PMS1: variants seen among roughly 807,000 people sequenced by gnomAD.
The protein encoded by PMS1 is PMS1 protein homolog 1.
In PMS1, 79 loss-of-function variants were observed where a neutral mutation model predicts 93.1. The observed-to-expected ratio is 0.85, with a 90% CI of 0.71 to 1.02. The LOEUF (loss-of-function observed/expected upper bound fraction) is 1.02. Among genes scored for constraint, PMS1 ranks in the 50% least tolerant of loss-of-function variants. PMS1 has a pLI of 0.00. For synonymous variants in PMS1, 335 were observed against 363.4 expected, an observed-to-expected ratio of 0.92 and a Z score of 0.89; for missense variants, 1,064 against 1,085.3, an observed-to-expected ratio of 0.98 and a Z score of 0.28.
chr2:189,836,881 G>T (rs542903072), intron 5 of PMS1, among the ~76,000 whole-genome samples: 3 of 152,044 alleles, frequency 2.0e-5, no homozygotes, highest in Non-Finnish European at 4.4e-5. Flanking sequence ...ATCTTTTTAC[G>T]GTTGTGTATA....
chr2:189,793,975 C>G (rs1372793901), intron 2 of PMS1, among the ~76,000 whole-genome samples: 1 of 152,130 alleles, frequency 6.6e-6, no homozygotes, highest in Non-Finnish European at 1.5e-5. Flanking sequence ...AGGCTGGTCT[C>G]GAACTGCTGA....
At chr2:189,808,651 G>C (rs2050558439) in intron 4 of PMS1, among the ~76,000 whole-genome samples, 1 of 152,078 alleles carries the variant, frequency 6.6e-6, no homozygotes, top group Admixed American at 6.6e-5. Context: ...ATTTTACAAT[G>C]TTTAAAAATA....
In PMS1 at chr2:189,877,572, T is replaced by C; in HGVS notation, c.*136T>C. On this transcript the variant is annotated 3_prime_UTR_variant, in exon 13 of 13. Coordinates refer to ENST00000441310, the MANE Select transcript of PMS1 (RefSeq NM_000534.5). ...ATGAGGATTCACTGACTTGTTTTTA[T>C]ATTGAAAAAAGTTCCACGTATTGTA... 1.5e-6 allele frequency: 1 copy of C among 645,858 alleles called. No homozygotes were observed. Among genetic ancestry groups the C allele is most frequent in the Non-Finnish European group, 2.7e-6 (1 of 374,574 alleles). 40.0% of individuals were successfully genotyped at this position (645,858 alleles called of 1,614,324 possible).
At chr2:189,822,042 G>A (rs930057983) in intron 5 of PMS1, among the ~76,000 whole-genome samples, 3 of 152,156 alleles carry the variant, frequency 2.0e-5, no homozygotes, top group African/African-American at 7.2e-5. Flanking sequence ...TCCGGGCGGG[G>A]CGGGTGGCGC....
chr2:189,859,728 A>G (rs748556321), intron 9 of PMS1, among the ~76,000 whole-genome samples: 1 of 152,048 alleles, frequency 6.6e-6, no homozygotes, highest in Admixed American at 6.5e-5. Flanking sequence ...TCGAACATCC[A>G]TTATCTTCTA....
chr2:189,806,272 A>T (rs554780261), intron 4 of PMS1: 101 of 243,880 alleles, frequency 4.1e-4, no homozygotes, highest in Non-Finnish European at 6.3e-4. Context: ...ACCCTCGCCC[A>T]TTTCTTCCCT....
chr2:189,819,739 T>C (rs2051661012), intron 5 of PMS1, among the ~76,000 whole-genome samples: 1 of 152,194 alleles, frequency 6.6e-6, no homozygotes, highest in Non-Finnish European at 1.5e-5. Context: ...TTTTTGTTTT[T>C]TGAGCTTCTT....
At position 189,810,994 on chromosome 2, in the gene PMS1, CTT is replaced by C. The variant is rs374404604; in HGVS notation, c.418+5241_418+5242del. On this transcript the variant is annotated intron_variant, in intron 4 of 12. Coordinates refer to ENST00000441310, the MANE Select transcript of PMS1 (RefSeq NM_000534.5). The stretch of plus-strand genomic sequence containing the variant: ...GAATTAACAGACAAAAAAAAAAAAA[CTT>C]ATGTTAAAGAATTTAGAAGAAAAGA... 2.9e-4 allele frequency among the ~76,000 whole-genome samples: 42 copies of C among 144,694 alleles called. No homozygotes were observed. The East Asian group carries it at 5.4e-3, about 19-fold the overall frequency. 94.9% of individuals were successfully genotyped at this position (144,694 alleles called of 152,430 possible). A position where few individuals can be genotyped will look rare whatever the true frequency, so the allele number is the denominator to read the frequency against.
intron 6 of PMS1, among the ~76,000 whole-genome samples, chr2:189,851,493 T>A: frequency 6.6e-6 from 1 of 152,268 alleles, no homozygotes; most frequent in South Asian, 2.1e-4. Context: ...ATTATACAGA[T>A]TAATTTATTT....
At chr2:189,852,864 T>TAA in intron 7 of PMS1, 87 bp downstream of exon 7, 1 of 831,372 alleles carries the variant, frequency 1.2e-6, no homozygotes, top group Non-Finnish European at 2.0e-6. Context: ...TGCTCTAAAA[T>TAA]AAAAAAAAAG....
At chr2:189,801,759 G>A (rs2049910195) in intron 3 of PMS1, among the ~76,000 whole-genome samples, 1 of 151,926 alleles carries the variant, frequency 6.6e-6, no homozygotes, top group Non-Finnish European at 1.5e-5. Flanking sequence ...CATTTATCAA[G>A]TGAGGGTCAA....
intron 9 of PMS1, among the ~76,000 whole-genome samples, chr2:189,863,246 TG>T (rs1351753057): frequency 2.0e-5 from 3 of 150,944 alleles, no homozygotes; most frequent in Admixed American, 6.7e-5. Context: ...TTCTTTTTGG[TG>T]TTTTTTTTTG....
At chr2:189,807,295 A>G (rs1222082961) in intron 4 of PMS1, among the ~76,000 whole-genome samples, 1 of 152,114 alleles carries the variant, frequency 6.6e-6, no homozygotes, top group African/African-American at 2.4e-5. Flanking sequence ...TCTAACAGCT[A>G]TTTTATTTGA....
chr2:189,876,508 TAAC>T (rs1264043904), intron 12 of PMS1, among the ~76,000 whole-genome samples: 1 of 152,236 alleles, frequency 6.6e-6, no homozygotes, highest in East Asian at 1.9e-4. Context: ...CTCTTTTTTT[TAAC>T]AACTATGATG....
intron 2 of PMS1, 77 bp downstream of exon 2, chr2:189,792,018 A>G (rs1244145508): frequency 2.6e-5 from 33 of 1,270,564 alleles, no homozygotes; most frequent in Non-Finnish European, 3.7e-5. Flanking sequence ...TTAAACTGTT[A>G]CCTTTATTTT....
At chr2:189,873,861 G>A (rs1336055493) in intron 12 of PMS1, among the ~76,000 whole-genome samples, 1 of 152,078 alleles carries the variant, frequency 6.6e-6, no homozygotes, top group Non-Finnish European at 1.5e-5. Context: ...GCGAGGGATC[G>A]AGGTTGTGCA....
chr2:189,812,806 G>C (rs2050958294), intron 4 of PMS1, among the ~76,000 whole-genome samples: 2 of 152,188 alleles, frequency 1.3e-5, no homozygotes. Flanking sequence ...GGAGTACTGA[G>C]AATGACATGA....
At chr2:189,860,103 G>T (rs2055792910) in intron 9 of PMS1, among the ~76,000 whole-genome samples, 1 of 152,138 alleles carries the variant, frequency 6.6e-6, no homozygotes, top group South Asian at 2.1e-4. Flanking sequence ...TTTACCTAAT[G>T]TGAATTGCAG....
intron 6 of PMS1, among the ~76,000 whole-genome samples, chr2:189,846,772 T>C (rs1276144269): frequency 1.3e-5 from 2 of 152,188 alleles, no homozygotes; most frequent in African/African-American, 4.8e-5. Flanking sequence ...AGACATAGAC[T>C]TTTAGATTGA....
Sources: gnomAD v4.1 joint callset for allele counts (sites outside exome capture counted in the v4.1 genomes callset) on GRCh38, gnomAD v4.1.1 for gene constraint, MANE v1.5 for transcripts, NCBI Gene and HGNC (gene_info 2026-07-23, HGNC 2026-07-21) for gene names.